The following CFI variants were observed in gnomAD, a reference collection of about 807,000 sequenced individuals.
CFI encodes the protein complement factor I.
In CFI, 66 loss-of-function variants were observed where a neutral mutation model predicts 78.8. The ratio of observed to expected loss-of-function variants is 0.84; its 90% CI spans 0.69 to 1.03. The LOEUF is 1.03. Among genes scored for constraint, CFI ranks in the 50% least tolerant of loss-of-function variants. The pLI is 0.00. For synonymous variants in CFI, 250 were observed against 232.6 expected (o/e 1.07, Z -0.68); for missense variants, 706 against 704.5 (o/e 1.00, Z -0.02).
intron 8 of CFI, among the ~76,000 whole-genome samples, chr4:109,750,567 C>G (rs144988103): frequency 1.2e-4 from 18 of 152,100 alleles, no homozygotes; most frequent in Admixed American, 1.1e-3. Context: ...AGACGTCTGG[C>G]GCATTTGTCA....
In CFI at chr4:109,746,274, G is replaced by T. The variant is rs1231423936; in HGVS notation, c.1377C>A (p.Tyr459Ter). ...SIPACVPWSPYLFQPNDTCIV... is the reference protein window; with the variant it reads ...SIPACVPWSP ...TGCATGTATCATTAGGTTGGAATAG[G>T]TAAGGAGACCAGGGGACACAGGCAG... The change falls in exon 11 of 13, where the codon TAC (tyrosine) becomes TAA (stop). Residue 459 changes from tyrosine (Y) to a stop codon, truncating the protein, a stop_gained. Coordinates refer to ENST00000394634, the MANE Select transcript of CFI (RefSeq NM_000204.5). LOFTEE classifies it high-confidence loss of function. The T allele has an allele frequency of 6.2e-7, 1 of 1,614,150 alleles. No individual in the cohort carries two copies. Among genetic ancestry groups the T allele is most frequent in the Admixed American group, 1.7e-5 (1 of 60,012 alleles).
chr4:109,793,536 A>T (rs931983857), intron 1 of CFI: 10 of 152,148 alleles, frequency 6.6e-5, no homozygotes, highest in African/African-American at 9.7e-5. Flanking sequence ...ATTTTAATTT[A>T]ATTTTATTTT....
chr4:109,786,051 A>AC (rs1258717949), intron 1 of CFI, among the ~76,000 whole-genome samples: 1 of 151,766 alleles, frequency 6.6e-6, no homozygotes, highest in African/African-American at 2.4e-5. Context: ...TAAAAAAAAA[A>AC]CAAAAAAAAC....
intron 1 of CFI, among the ~76,000 whole-genome samples, chr4:109,781,248 A>G (rs1003070940): frequency 6.6e-6 from 1 of 152,162 alleles, no homozygotes; most frequent in East Asian, 1.9e-4. Flanking sequence ...TATAAATAAA[A>G]TTGATAGACC....
chr4:109,782,431 C>CAAA (rs36163689), intron 1 of CFI, among the ~76,000 whole-genome samples: 4,153 of 138,062 alleles, frequency 0.03, 148 homozygotes, highest in African/African-American at 0.061. Context: ...ACAATAGCTG[C>CAAA]AAAAAAAAAA....
intron 1 of CFI, among the ~76,000 whole-genome samples, chr4:109,791,871 TTTTCA>T (rs1339102348): frequency 6.6e-6 from 1 of 152,208 alleles, no homozygotes; most frequent in Non-Finnish European, 1.5e-5. Context: ...TTGTGTTTTG[TTTTCA>T]TTTATCTCCA....
intron 4 of CFI, among the ~76,000 whole-genome samples, chr4:109,760,852 G>T (rs1726964893): frequency 6.6e-6 from 1 of 152,180 alleles, no homozygotes; most frequent in African/African-American, 2.4e-5. Flanking sequence ...CTGAAAGTCA[G>T]TATTAATTGT....
chr4:109,793,474 A>G (rs114706672), intron 1 of CFI: 2 of 152,370 alleles, frequency 1.3e-5, no homozygotes, highest in African/African-American at 4.8e-5. Flanking sequence ...TAACTGCCAA[A>G]TGTCCTTTCA....
At chr4:109,766,976 G>A (rs529133734) in intron 1 of CFI, 152 bp from the exon 2 acceptor site, 257 of 714,542 alleles carry the variant, frequency 3.6e-4, no homozygotes, top group African/African-American at 3.1e-3. Context: ...AAATAATGCC[G>A]CATATCTACA....
intron 12 of CFI, chr4:109,741,802 G>A (rs1723828834): frequency 6.4e-6 from 1 of 155,088 alleles, no homozygotes; most frequent in South Asian, 2.0e-4. Flanking sequence ...TGCCTTTTCA[G>A]TAATACACCA....
At chr4:109,735,172 C>T in the CFI span, among the ~76,000 whole-genome samples, 1 of 152,128 alleles carries the variant, frequency 6.6e-6, no homozygotes, top group South Asian at 2.1e-4. Flanking sequence ...CCAGGCTGGT[C>T]TTGAATTCTT....
intron 3 of CFI, among the ~76,000 whole-genome samples, chr4:109,763,681 T>C (rs1727365055): frequency 6.6e-6 from 1 of 151,948 alleles, no homozygotes; most frequent in Non-Finnish European, 1.5e-5. Context: ...CTATTAATAA[T>C]GAGTAACATA....
At chr4:109,757,844 T>C in intron 6 of CFI, 61 bp from the exon 7 acceptor site, 2 of 1,357,802 alleles carry the variant, frequency 1.5e-6, no homozygotes, top group Non-Finnish European at 1.0e-6. Flanking sequence ...ATGCACACTA[T>C]AGCAATATAC....
At chr4:109,746,175 T>G in intron 11 of CFI, 47 bp downstream of exon 11, 1 of 1,604,136 alleles carries the variant, frequency 6.2e-7, no homozygotes, top group South Asian at 1.1e-5. Context: ...CTATTCTCTT[T>G]CATTTCCAAC....
At position 109,760,633 on chromosome 4, in the gene CFI, G is replaced by C; in HGVS notation, c.662C>G (p.Ser221Cys). Residue 221 changes from serine (S) to cysteine (C), a missense_variant, in exon 5 of 13, where the codon TCT (serine) becomes TGT (cysteine). Ser to Cys is a moderately radical substitution (Grantham distance 112). Transcript: ENST00000394634. Reference protein sequence around the residue: ...DVVCYTQKADSPMDDFFQCVN... With the variant: ...DVVCYTQKADCPMDDFFQCVN... ...ACACTGAAAGAAGTCATCCATTGGA[G>C]AATCTGTAAAGCAGGAATTATCTTT... is the stretch of plus-strand genomic sequence containing the variant. The C allele has an allele frequency of 6.5e-7, 1 of 1,539,650 alleles. No homozygotes were observed. Among genetic ancestry groups the C allele is most frequent in the East Asian group, 2.2e-5 (1 of 44,532 alleles).
chr4:109,756,967 AAGAAAG>A (rs1299599741), intron 7 of CFI, among the ~76,000 whole-genome samples: 13 of 137,864 alleles, frequency 9.4e-5, no homozygotes, highest in African/African-American at 2.9e-4. Flanking sequence ...GAAAGAAAGA[AAGAAAG>A]AAAGAAATTC....
At chr4:109,783,154 C>T (rs911416814) in intron 1 of CFI, among the ~76,000 whole-genome samples, 3 of 152,000 alleles carry the variant, frequency 2.0e-5, no homozygotes, top group Non-Finnish European at 2.9e-5. Context: ...AAAGCAAATG[C>T]AATAAAAACA....
rs1271520026 is a variant in CFI at position 109,790,282 on chromosome 4, G to C, written c.57+11633C>G. Among the ~76,000 whole-genome samples the C allele has an allele frequency of 2.0e-4, 30 of 151,634 alleles. 1 individual carries two copies. The highest frequency in any genetic ancestry group is 2.0e-3 in the Admixed American group (30 of 15,192). On this transcript the variant is annotated intron_variant, in intron 1 of 12. Coordinates refer to ENST00000394634, the MANE Select transcript of CFI (RefSeq NM_000204.5). ...AACTTGTGATTTCATTGATTCTATTGTCTTACTATATATTTTTTGTTTCTA... is the reference window on the plus strand; with the variant it reads ...AACTTGTGATTTCATTGATTCTATTCTCTTACTATATATTTTTTGTTTCTA...
In CFI at chr4:109,783,811, T is replaced by TAATATATATATA. The variant is rs750346105; in HGVS notation, c.58-16988_58-16987insTATATATATATT. Among the ~76,000 whole-genome samples, 945 of 105,776 alleles carry TAATATATATATA rather than the reference T, an allele frequency of 8.9e-3. 73 individuals are homozygous for TAATATATATATA. Among genetic ancestry groups the TAATATATATATA allele is most frequent in the East Asian group, 0.046 (171 of 3,746 alleles). 69.4% of individuals were successfully genotyped at this position (105,776 alleles called of 152,430 possible). A position where few individuals can be genotyped will look rare whatever the true frequency, so the allele number is the denominator to read the frequency against. On this transcript the variant is annotated intron_variant, in intron 1 of 12. Transcript: ENST00000394634. ...ATTCAATGAGTGGATAAAGAAACTG[T>TAATATATATATA]GATATATATATATATATATATATGA...
Sources: gnomAD v4.1 joint callset for allele counts (sites outside exome capture counted in the v4.1 genomes callset) on GRCh38, gnomAD v4.1.1 for gene constraint, MANE v1.5 for transcripts, NCBI Gene and HGNC (gene_info 2026-07-23, HGNC 2026-07-21) for gene names.